METAP1: variants seen among roughly 807,000 people sequenced by gnomAD.
The protein encoded by METAP1 is methionyl aminopeptidase 1.
A neutral mutation model predicts 53.8 loss-of-function variants in METAP1; 28 were observed. The observed-to-expected ratio is 0.52, with a 90% CI of 0.39 to 0.71. The LOEUF is 0.71. Ranked by LOEUF, METAP1 falls within the 30% of genes least tolerant of loss-of-function variation. METAP1 has a pLI of 0.00. For missense variants in METAP1, 389 were observed against 479.8 expected (o/e 0.81, Z 1.77); for synonymous variants, 181 against 165.7 (o/e 1.09, Z -0.71).
At chr4:99,024,470 T>C (rs567666403) in intron 1 of METAP1, among the ~76,000 whole-genome samples, 11 of 152,238 alleles carry the variant, frequency 7.2e-5, no homozygotes, top group Admixed American at 1.3e-4. Context: ...TTGGGAGTAC[T>C]GATTGGTTGG....
In METAP1 at chr4:99,008,676, C is replaced by G. The variant is rs148053844; in HGVS notation, c.114+12809C>G. ...TTAATCTGTGCCTCAGCTTTCTCAT[C>G]TGTAAAATGAGATATCTGTGATAAT... On this transcript the variant is annotated intron_variant, in intron 1 of 10. Coordinates refer to ENST00000296411, the MANE Select transcript of METAP1 (RefSeq NM_015143.3). Among the ~76,000 whole-genome samples the G allele has an allele frequency of 2.0e-4, 30 of 152,238 alleles. No homozygotes were observed. In the East Asian group the frequency reaches 5.4e-3, roughly 27 times the overall value.
intron 9 of METAP1, among the ~76,000 whole-genome samples, chr4:99,056,552 TTTG>T (rs1727134071): frequency 6.6e-6 from 1 of 151,544 alleles, no homozygotes; most frequent in Non-Finnish European, 1.5e-5. Flanking sequence ...TGTTTTGTTT[TTTG>T]TTTTTTTTGT....
chr4:99,009,268 C>T (rs568738391), intron 1 of METAP1, among the ~76,000 whole-genome samples: 1 of 152,304 alleles, frequency 6.6e-6, no homozygotes, highest in East Asian at 1.9e-4. Flanking sequence ...CCATTCTTCT[C>T]TTGATGGACA....
intron 4 of METAP1, among the ~76,000 whole-genome samples, chr4:99,038,603 A>G (rs1725607908): frequency 1.3e-5 from 2 of 152,078 alleles, no homozygotes. Context: ...TAGTACTTGT[A>G]AATAAGATTA....
At chr4:99,028,799 A>G (rs1465080823) in intron 1 of METAP1, 68 bp from the exon 2 acceptor site, 4 of 1,168,806 alleles carry the variant, frequency 3.4e-6, no homozygotes, top group Non-Finnish European at 4.9e-6. Context: ...TTGCTTATAT[A>G]CAATATTCCT....
At chr4:99,022,889 C>G in intron 1 of METAP1, 1 of 1,519,832 alleles carries the variant, frequency 6.6e-7, no homozygotes, top group Non-Finnish European at 8.9e-7. Context: ...ATCTCACAAA[C>G]CAGTCCTCAG....
At chr4:99,031,676 AACT>A (rs1725044310) in intron 2 of METAP1, 1 of 975,184 alleles carries the variant, frequency 1.0e-6, no homozygotes, top group Non-Finnish European at 1.4e-6. Flanking sequence ...AGTACTCAAA[AACT>A]AATAATCATC....
At chr4:99,040,862 T>G (rs960563382) in intron 5 of METAP1, among the ~76,000 whole-genome samples, 181 bp from the exon 6 acceptor site, 15 of 151,330 alleles carry the variant, frequency 9.9e-5, no homozygotes, top group Non-Finnish European at 1.9e-4. Context: ...AACCCAATTT[T>G]TATATAAAAT....
At chr4:99,040,735 C>A (rs1373948615) in intron 5 of METAP1, among the ~76,000 whole-genome samples, 2 of 147,536 alleles carry the variant, frequency 1.4e-5, no homozygotes, top group Admixed American at 1.4e-4. Context: ...TTTTCCTCTA[C>A]TTTTCCCCAT....
chr4:99,043,426 A>C, intron 7 of METAP1, 39 bp downstream of exon 7: 1 of 1,551,278 alleles, frequency 6.4e-7, no homozygotes, highest in South Asian at 1.2e-5. Flanking sequence ...ATGGGCAAAG[A>C]AACAACAAAG....
intron 8 of METAP1, among the ~76,000 whole-genome samples, chr4:99,046,695 T>G (rs1726266301): frequency 6.6e-6 from 1 of 152,062 alleles, no homozygotes; most frequent in African/African-American, 2.4e-5. Context: ...AAATTTTTAC[T>G]CAAGTTGGAG....
Position 98,995,764 on chromosome 4 carries a change from T to C in METAP1, c.11T>C (p.Val4Ala). The change falls in exon 1 of 11, where the codon GTG (valine) becomes GCG (alanine). Residue 4 changes from valine (V) to alanine (A), a missense_variant. Coordinates refer to ENST00000296411, the MANE Select transcript of METAP1 (RefSeq NM_015143.3). ...CAGCGGGCAGGCAGCATGGCGGCCG[T>C]GGAGACGCGGGTGTGCGAGACAGAC... is the stretch of plus-strand genomic sequence containing the variant. MAA[V>A]ETRVCETDGC... 6.5e-7 allele frequency: 1 copy of C among 1,544,340 alleles called. No individual in the cohort carries two copies. The highest frequency in any genetic ancestry group is 1.2e-5 in the South Asian group (1 of 83,814).
chr4:99,006,413 C>T (rs926455896), intron 1 of METAP1, among the ~76,000 whole-genome samples: 4 of 152,074 alleles, frequency 2.6e-5, no homozygotes, highest in Admixed American at 2.6e-4. Context: ...TACTCTTCAC[C>T]TAAGTTAACA....
chr4:99,008,788 T>C (rs1316705347), intron 1 of METAP1, among the ~76,000 whole-genome samples: 1 of 152,236 alleles, frequency 6.6e-6, no homozygotes, highest in East Asian at 1.9e-4. Flanking sequence ...TGTTAGCTGC[T>C]GTTTTTTATC....
chr4:99,027,944 A>G (rs1367108848), intron 1 of METAP1, among the ~76,000 whole-genome samples: 3 of 96,334 alleles, frequency 3.1e-5, no homozygotes, highest in African/African-American at 6.2e-5. Context: ...TTGGTTAACT[A>G]CGTAGTCCTA....
chr4:99,024,676 G>A (rs866120511), intron 1 of METAP1, among the ~76,000 whole-genome samples: 1 of 152,184 alleles, frequency 6.6e-6, no homozygotes, highest in African/African-American at 2.4e-5. Flanking sequence ...GGGGCGATTT[G>A]GGGAGGGTCA....
At chr4:99,002,478 A>G (rs1722969284) in intron 1 of METAP1, among the ~76,000 whole-genome samples, 1 of 152,202 alleles carries the variant, frequency 6.6e-6, no homozygotes. Flanking sequence ...CCAGCTCAAC[A>G]ATTATAAGTC....
At chr4:99,003,066 CAA>C (rs1222224678) in intron 1 of METAP1, among the ~76,000 whole-genome samples, 1 of 114,648 alleles carries the variant, frequency 8.7e-6, no homozygotes, top group Non-Finnish European at 2.1e-5. Context: ...AAGACTGTCT[CAA>C]AAACAAACAA....
chr4:99,061,580 T>G lies in METAP1; in HGVS notation c.*263T>G. ...CATTTGCCCTTTGAGCACTTTTACT[T>G]AAACTTGCTTGTAGTTGCTTTTATC... On this transcript the variant is annotated 3_prime_UTR_variant, in exon 11 of 11. Coordinates refer to ENST00000296411, the MANE Select transcript of METAP1 (RefSeq NM_015143.3). 3.3e-6 allele frequency: 1 copy of G among 299,542 alleles called. No homozygotes were observed. 18.6% of individuals were successfully genotyped at this position (299,542 alleles called of 1,614,324 possible).
Sources: gnomAD v4.1 joint callset for allele counts (sites outside exome capture counted in the v4.1 genomes callset) on GRCh38, gnomAD v4.1.1 for gene constraint, MANE v1.5 for transcripts, NCBI Gene and HGNC (gene_info 2026-07-23, HGNC 2026-07-21) for gene names.